The following BTG4 variants were observed in gnomAD, a reference collection of about 807,000 sequenced individuals.
BTG4 encodes the protein protein BTG4.
Under a neutral mutation model 19.3 loss-of-function variants are expected in BTG4, and 10 were observed. The observed-to-expected ratio is 0.52, with a 90% CI of 0.32 to 0.88. BTG4 has a LOEUF of 0.88. BTG4 is among the 40% of genes least tolerant of loss of function. BTG4 has a pLI of 0.04. For missense variants in BTG4, 238 were observed against 281.9 expected, an observed-to-expected ratio of 0.84 and a Z score of 1.11; for synonymous variants, 91 against 95.7, an observed-to-expected ratio of 0.95 and a Z score of 0.29.
At chr11:111,427,698 T>C in the BTG4 span, among the ~76,000 whole-genome samples, 1 of 152,044 alleles carries the variant, frequency 6.6e-6, no homozygotes, top group Non-Finnish European at 1.5e-5. Flanking sequence ...TTTAGAGGGA[T>C]ACTCTGGCAG....
At chr11:111,499,238 G>A (rs1453868476) in intron 1 of BTG4, among the ~76,000 whole-genome samples, 1 of 152,162 alleles carries the variant, frequency 6.6e-6, no homozygotes, top group Non-Finnish European at 1.5e-5. Flanking sequence ...CATTATACTT[G>A]CCAACAAAAG....
chr11:111,464,215 T>A (rs147729444), downstream of BTG4, among the ~76,000 whole-genome samples: 1 of 152,254 alleles, frequency 6.6e-6, no homozygotes, highest in African/African-American at 2.4e-5. Context: ...GCCAAGCTGG[T>A]CTTGAACTCC....
chr11:111,437,429 G>A, the BTG4 span, among the ~76,000 whole-genome samples: 1 of 152,198 alleles, frequency 6.6e-6, no homozygotes, highest in East Asian at 1.9e-4. Flanking sequence ...GGATGAGGGG[G>A]ATGCTGGAAA....
At chr11:111,422,380 T>C in the BTG4 span, among the ~76,000 whole-genome samples, 2 of 152,216 alleles carry the variant, frequency 1.3e-5, no homozygotes, top group African/African-American at 2.4e-5. Flanking sequence ...AAATGGCTGC[T>C]GTACGTGGCC....
the BTG4 span, among the ~76,000 whole-genome samples, chr11:111,440,463 T>C: frequency 2.6e-5 from 4 of 152,174 alleles, no homozygotes; most frequent in Admixed American, 2.0e-4. Context: ...TCCTTGCAAA[T>C]AGAACATCAC....
At position 111,498,040 on chromosome 11, in the gene BTG4, T is replaced by C. The variant is rs1417947850; in HGVS notation, c.269A>G (p.Lys90Arg). 6.2e-7 allele frequency: 1 copy of C among 1,614,040 alleles called. No individual in the cohort carries two copies. The highest frequency in any genetic ancestry group is 1.3e-5 in the African/African-American group (1 of 74,938). Reference sequence around the variant, plus strand: ...GGGATCTACCCATATGGTCATCTCCTTCGGAAGTCCCAGGTGAGAAAAATC... The same window carrying C: ...GGGATCTACCCATATGGTCATCTCCCTCGGAAGTCCCAGGTGAGAAAAATC... ...NVDFSHLGLPKEMTIWVDPFE... is the reference protein window; with the variant it reads ...NVDFSHLGLPREMTIWVDPFE... The change falls in exon 3 of 5, where the codon AAG (lysine) becomes AGG (arginine). Residue 90 changes from lysine to arginine, a missense_variant. Coordinates refer to ENST00000692032, the MANE Select transcript of BTG4 (RefSeq NM_001367975.1).
At chr11:111,474,877 G>A (rs1287564648) in intron 5 of BTG4, among the ~76,000 whole-genome samples, 2 of 152,050 alleles carry the variant, frequency 1.3e-5, no homozygotes, top group South Asian at 2.1e-4. Flanking sequence ...AAATTTCCCA[G>A]ATGACCAATG....
the BTG4 span, among the ~76,000 whole-genome samples, chr11:111,389,525 A>G: frequency 3.3e-5 from 5 of 152,354 alleles, no homozygotes; most frequent in East Asian, 9.6e-4. Flanking sequence ...AAAGTCTGAC[A>G]TTCAGTCAAT....
the BTG4 span, among the ~76,000 whole-genome samples, chr11:111,396,415 C>T: frequency 6.6e-6 from 1 of 152,246 alleles, no homozygotes; most frequent in Non-Finnish European, 1.5e-5. Flanking sequence ...AGTCTACCCA[C>T]ATGCCCCCAT....
chr11:111,493,919 G>A (rs1393131183), downstream of BTG4, among the ~76,000 whole-genome samples: 5 of 152,176 alleles, frequency 3.3e-5, no homozygotes, highest in Non-Finnish European at 5.9e-5. Flanking sequence ...CTGCTGGCAT[G>A]TCGTACCCAA....
At chr11:111,472,140 A>G (rs1864106305) in intron 5 of BTG4, among the ~76,000 whole-genome samples, 4 of 152,200 alleles carry the variant, frequency 2.6e-5, no homozygotes, top group Admixed American at 2.6e-4. Context: ...CAAAATGGAA[A>G]TTGGATCTGC....
At chr11:111,478,996 AC>A in intron 5 of BTG4, among the ~76,000 whole-genome samples, 2 of 152,120 alleles carry the variant, frequency 1.3e-5, no homozygotes, top group Admixed American at 1.3e-4. Flanking sequence ...AAGAGATATA[AC>A]CCCACAGATT....
the BTG4 span, chr11:111,435,039 A>G: frequency 6.6e-6 from 1 of 152,354 alleles, no homozygotes; most frequent in Non-Finnish European, 1.5e-5. Flanking sequence ...GGGCCGGCCC[A>G]GCACTGGTGC....
intron 1 of BTG4, among the ~76,000 whole-genome samples, chr11:111,508,250 A>G (rs1866602844): frequency 6.6e-6 from 1 of 152,166 alleles, no homozygotes; most frequent in African/African-American, 2.4e-5. Flanking sequence ...ATGGTCTTTC[A>G]GTCTCCTCTG....
intron 2 of BTG4, 48 bp downstream of exon 2, chr11:111,498,556 G>T: frequency 6.6e-7 from 1 of 1,523,022 alleles, no homozygotes; most frequent in Non-Finnish European, 9.0e-7. Context: ...GAGCTGGCTG[G>T]TTGCTTGGTG....
At chr11:111,421,608 C>T in the BTG4 span, among the ~76,000 whole-genome samples, 1 of 152,274 alleles carries the variant, frequency 6.6e-6, no homozygotes. Flanking sequence ...ACACTATAAA[C>T]TAAGGCTTAC....
intron 5 of BTG4, among the ~76,000 whole-genome samples, chr11:111,476,000 C>T (rs1322840271): frequency 1.3e-5 from 2 of 151,970 alleles, no homozygotes; most frequent in Non-Finnish European, 2.9e-5. Context: ...GGAAACCACC[C>T]CCCATGATTC....
At chr11:111,451,064 A>C in the BTG4 span, 8 of 179,370 alleles carry the variant, frequency 4.5e-5, no homozygotes, top group Non-Finnish European at 7.4e-5. Flanking sequence ...CCGAAACCCC[A>C]CAGTCTGCCT....
At chr11:111,392,464 A>G in the BTG4 span, among the ~76,000 whole-genome samples, 4 of 152,104 alleles carry the variant, frequency 2.6e-5, no homozygotes, top group African/African-American at 7.2e-5. Flanking sequence ...GGCATGAGCC[A>G]CCGTGGCTGG....
Sources: gnomAD v4.1 joint callset for allele counts (sites outside exome capture counted in the v4.1 genomes callset) on GRCh38, gnomAD v4.1.1 for gene constraint, MANE v1.5 for transcripts, NCBI Gene and HGNC (gene_info 2026-07-23, HGNC 2026-07-21) for gene names.